Variants in ATP10A observed in about 807,000 individuals in gnomAD.
The protein encoded by ATP10A is phospholipid-transporting ATPase VA.
ATP10A carries 111 observed loss-of-function variants against 147.8 expected under a neutral mutation model. The observed-to-expected ratio is 0.75, with a 90% CI of 0.64 to 0.88. The LOEUF (loss-of-function observed/expected upper bound fraction) is 0.88, where lower values mean the gene tolerates loss of function less well. Among genes scored for constraint, ATP10A ranks in the 40% least tolerant of loss-of-function variants. The pLI, the probability that ATP10A is intolerant of heterozygous loss-of-function variation, is 0.00. For synonymous variants in ATP10A, 875 were observed against 841.6 expected, an observed-to-expected ratio of 1.04 and a Z score of -0.69; for missense variants, 1,927 against 1,959.0, an observed-to-expected ratio of 0.98 and a Z score of 0.31.
At chr15:25,760,464 C>T (rs1405487483) in intron 2 of ATP10A, among the ~76,000 whole-genome samples, 1 of 152,186 alleles carries the variant, frequency 6.6e-6, no homozygotes, top group Admixed American at 6.5e-5. Flanking sequence ...GTGTTCATAG[C>T]AATTGCTTTA....
chr15:25,801,268 A>T (rs1362098613), intron 1 of ATP10A, among the ~76,000 whole-genome samples: 1 of 152,002 alleles, frequency 6.6e-6, no homozygotes, highest in Non-Finnish European at 1.5e-5. Flanking sequence ...GGGCCCTTCC[A>T]CTGCACTTGG....
chr15:25,800,772 C>T (rs1890901774), intron 1 of ATP10A, among the ~76,000 whole-genome samples: 1 of 152,208 alleles, frequency 6.6e-6, no homozygotes, highest in Non-Finnish European at 1.5e-5. Context: ...ACCCTAATTT[C>T]AAAAGCTGGT....
At chr15:25,764,271 C>T (rs190075756) in intron 2 of ATP10A, among the ~76,000 whole-genome samples, 314 of 152,300 alleles carry the variant, frequency 2.1e-3, no homozygotes, top group African/African-American at 6.8e-3. Flanking sequence ...CCGTGCAGCG[C>T]GGGCTTCCAG....
chr15:25,739,567 G>C (rs891666495), intron 2 of ATP10A, among the ~76,000 whole-genome samples: 4 of 152,124 alleles, frequency 2.6e-5, no homozygotes, highest in African/African-American at 9.7e-5. Context: ...CCCTGTGCTT[G>C]GGATGACAGA....
chr15:25,841,911 G>A (rs1053240334), intron 1 of ATP10A: 3 of 152,208 alleles, frequency 2.0e-5, no homozygotes, highest in African/African-American at 7.2e-5. Flanking sequence ...CTTGTATCCT[G>A]TCATTGTAAT....
intron 19 of ATP10A, among the ~76,000 whole-genome samples, 194 bp downstream of exon 19, chr15:25,680,616 G>A (rs1001453581): frequency 1.3e-5 from 2 of 152,140 alleles, no homozygotes; most frequent in African/African-American, 4.8e-5. Context: ...GGGGAAGTGC[G>A]AGCATCAGGC....
intron 1 of ATP10A, among the ~76,000 whole-genome samples, chr15:25,835,888 A>T (rs904175531): frequency 6.6e-6 from 1 of 152,074 alleles, no homozygotes; most frequent in Non-Finnish European, 1.5e-5. Flanking sequence ...ATCTCGGCTC[A>T]CTGCCAGCTC....
chr15:25,700,808 A>G (rs1900616148), intron 13 of ATP10A, among the ~76,000 whole-genome samples: 2 of 152,154 alleles, frequency 1.3e-5, no homozygotes, highest in South Asian at 4.1e-4. Flanking sequence ...TAAGTGTATA[A>G]CCAAAAAAAG....
At chr15:25,714,305 G>C in intron 9 of ATP10A, 64 bp from the exon 10 acceptor site, 1 of 1,484,778 alleles carries the variant, frequency 6.7e-7, no homozygotes, top group African/African-American at 1.4e-5. Context: ...GCCCCACCCT[G>C]GTTCCCACAG....
intron 8 of ATP10A, among the ~76,000 whole-genome samples, chr15:25,717,161 C>G (rs1488123320): frequency 6.6e-6 from 1 of 152,178 alleles, no homozygotes; most frequent in Non-Finnish European, 1.5e-5. Context: ...AGTCTTTTCG[C>G]TCTACATTTA....
intron 14 of ATP10A, among the ~76,000 whole-genome samples, 168 bp downstream of exon 14, chr15:25,694,651 G>A (rs540409390): frequency 8.3e-4 from 126 of 152,354 alleles, no homozygotes; most frequent in Non-Finnish European, 1.6e-3. Context: ...GCTTTCCAAT[G>A]TAAACTTTAC....
intron 13 of ATP10A, among the ~76,000 whole-genome samples, chr15:25,696,399 C>T (rs1368523659): frequency 6.6e-6 from 1 of 152,132 alleles, no homozygotes. Flanking sequence ...TGGGATATGG[C>T]AGTAACTGGG....
intron 1 of ATP10A, among the ~76,000 whole-genome samples, chr15:25,844,214 A>G (rs1325749220): frequency 6.6e-6 from 1 of 152,242 alleles, no homozygotes; most frequent in Non-Finnish European, 1.5e-5. Flanking sequence ...GAACATTTTC[A>G]TAAAGACGAG....
chr15:25,857,747 G>A (rs1469393348), intron 1 of ATP10A, among the ~76,000 whole-genome samples: 2 of 152,096 alleles, frequency 1.3e-5, no homozygotes, highest in Non-Finnish European at 2.9e-5. Context: ...TTGTTCTTGG[G>A]GTGGGAATAC....
At chr15:25,742,822 A>T (rs534053065) in intron 2 of ATP10A, among the ~76,000 whole-genome samples, 9 of 152,292 alleles carry the variant, frequency 5.9e-5, no homozygotes, top group African/African-American at 2.2e-4. Flanking sequence ...ACGTATTTGT[A>T]CTTAATCCAA....
Position 25,794,699 on chromosome 15 carries a change from G to A in ATP10A, c.450-13476C>T, listed in dbSNP as rs994341213. Among the ~76,000 whole-genome samples, 6 of 152,294 alleles carry A rather than the reference G, an allele frequency of 3.9e-5. No individual in the cohort carries two copies. The South Asian group carries it at 6.2e-4, about 16-fold the overall frequency. On this transcript the variant is annotated intron_variant, in intron 1 of 20. Transcript: ENST00000555815. Reference sequence around the variant, plus strand: ...TGCCCTCGCGAAACTGACTTTACCCGGTAATATTCCGAGAATGGATAACAA... The same window carrying A: ...TGCCCTCGCGAAACTGACTTTACCCAGTAATATTCCGAGAATGGATAACAA...
chr15:25,792,274 G>A (rs1462908916), intron 1 of ATP10A, among the ~76,000 whole-genome samples: 18 of 152,200 alleles, frequency 1.2e-4, no homozygotes, highest in African/African-American at 1.4e-4. Flanking sequence ...TAGCTTCAGC[G>A]CTGAGAGGAG....
chr15:25,838,159 T>C (rs1001277622), intron 1 of ATP10A, among the ~76,000 whole-genome samples: 56 of 152,222 alleles, frequency 3.7e-4, no homozygotes, highest in African/African-American at 1.1e-3. Context: ...GGATGGCACT[T>C]GTTTGACCCA....
At chr15:25,704,044 G>C (rs1900827094) in intron 12 of ATP10A, among the ~76,000 whole-genome samples, 1 of 151,492 alleles carries the variant, frequency 6.6e-6, no homozygotes, top group Admixed American at 6.5e-5. Flanking sequence ...CAGCCACCCG[G>C]GCACCGGGAG....
Sources: allele counts gnomAD v4.1 joint callset (sites outside exome capture counted in the v4.1 genomes callset), GRCh38; gene constraint gnomAD v4.1.1; transcripts MANE v1.5; gene names NCBI Gene and HGNC (gene_info 2026-07-23, HGNC 2026-07-21).